The following HIVEP3 variants were observed in gnomAD, a reference collection of about 807,000 sequenced individuals.
HIVEP3 encodes transcription factor HIVEP3.
A neutral mutation model predicts 152.8 loss-of-function variants in HIVEP3; 49 were observed. That is an observed-to-expected ratio of 0.32 (90% confidence interval 0.26 to 0.41). HIVEP3 has a LOEUF of 0.41. Ranked by LOEUF, HIVEP3 falls within the 10% of genes least tolerant of loss-of-function variation. The pLI is 1.00. For synonymous variants in HIVEP3, 1,269 were observed against 1,289.0 expected (o/e 0.98, Z 0.33); for missense variants, 2,790 against 3,103.3 (o/e 0.90, Z 2.40).
chr1:41,593,484 A>G (rs11210487), intron 3 of HIVEP3, among the ~76,000 whole-genome samples: 10,738 of 152,266 alleles, frequency 0.071, 1,109 homozygotes, highest in East Asian at 0.48. Context: ...GCTACATAGA[A>G]TATCTTCTGC....
intron 1 of HIVEP3, among the ~76,000 whole-genome samples, chr1:41,895,952 G>A (rs564821782): frequency 1.4e-3 from 220 of 152,254 alleles, no homozygotes; most frequent in Non-Finnish European, 2.6e-3. Context: ...ATAATTCACC[G>A]CTAATCACGG....
At chr1:41,983,630 T>C (rs917960154) in intron 1 of HIVEP3, among the ~76,000 whole-genome samples, 3 of 152,030 alleles carry the variant, frequency 2.0e-5, no homozygotes, top group African/African-American at 7.2e-5. Flanking sequence ...GCCAAACCCC[T>C]GAAGCCACAA....
chr1:41,605,412 T>C (rs1644809443), intron 3 of HIVEP3, among the ~76,000 whole-genome samples: 2 of 150,626 alleles, frequency 1.3e-5, no homozygotes, highest in Admixed American at 6.6e-5. Context: ...CACACATACA[T>C]ATGTTAAAAA....
chr1:41,578,458 A>T (rs1644356530), intron 4 of HIVEP3, among the ~76,000 whole-genome samples: 1 of 152,232 alleles, frequency 6.6e-6, no homozygotes, highest in Non-Finnish European at 1.5e-5. Context: ...CATCCAGTCA[A>T]GCTAAGGACA....
intron 1 of HIVEP3, among the ~76,000 whole-genome samples, chr1:41,813,256 G>GC (rs979396568): frequency 2.0e-5 from 3 of 152,078 alleles, no homozygotes; most frequent in Non-Finnish European, 2.9e-5. Flanking sequence ...CAGTCATGCA[G>GC]CCCCCCATCA....
intron 1 of HIVEP3, among the ~76,000 whole-genome samples, chr1:41,779,047 C>G (rs1648881689): frequency 1.3e-5 from 2 of 152,224 alleles, no homozygotes; most frequent in Admixed American, 1.3e-4. Context: ...ATGCCAGCAG[C>G]TGGGCCCATC....
chr1:41,562,598 T>C (rs58352246), intron 5 of HIVEP3, among the ~76,000 whole-genome samples: 12,883 of 67,618 alleles, frequency 0.19, 621 homozygotes, highest in South Asian at 0.27. Context: ...TTCCTTCCTT[T>C]CTTTCTCTCT....
intron 5 of HIVEP3, among the ~76,000 whole-genome samples, chr1:41,530,026 ACACT>A (rs764377515): frequency 3.4e-4 from 48 of 142,184 alleles, no homozygotes; most frequent in South Asian, 1.8e-3. Context: ...CACTCAGACC[ACACT>A]CACGCTCATA....
In HIVEP3 at chr1:41,511,597, T is replaced by G. The variant is rs1569650991; in HGVS notation, c.6406-331A>C. On this transcript the variant is annotated intron_variant, in intron 8 of 8. Coordinates refer to ENST00000372583, the MANE Select transcript of HIVEP3 (RefSeq NM_024503.5). The surrounding 1 kb of genome is among the most constrained non-coding windows in gnomAD (Gnocchi z 4.9). ...TTGTCACCCATGAGCCTGGCCTCTA[T>G]GTGGGTCTGCTGCCTGTCCTGTTCC... is the stretch of plus-strand genomic sequence containing the variant. Among the ~76,000 whole-genome samples, 1 of 152,176 alleles carries G rather than the reference T, an allele frequency of 6.6e-6. No individual in the cohort carries two copies.
intron 1 of HIVEP3, among the ~76,000 whole-genome samples, chr1:41,877,194 C>A (rs1644183940): frequency 6.6e-6 from 1 of 152,200 alleles, no homozygotes; most frequent in South Asian, 2.1e-4. Flanking sequence ...CCAAACCCCT[C>A]CCCAGAAGAC....
Position 41,601,590 on chromosome 1 carries a change from G to T in HIVEP3, c.-521-16272C>A, listed in dbSNP as rs139046681. Among the ~76,000 whole-genome samples, 8 of 152,210 alleles carry T rather than the reference G, an allele frequency of 5.3e-5. No homozygotes were observed. In the East Asian group the frequency reaches 1.5e-3, roughly 29 times the overall value. ...AGAAATGCCACTGATTTTTGTAAAT[G>T]ATTTTGTATCCTGCAACTTTACTAA... On this transcript the variant is annotated intron_variant, in intron 3 of 8. Transcript: ENST00000372583.
At chr1:41,721,429 C>T (rs527547290) in intron 1 of HIVEP3, among the ~76,000 whole-genome samples, 1 of 152,278 alleles carries the variant, frequency 6.6e-6, no homozygotes, top group Admixed American at 6.5e-5. Flanking sequence ...TGGTCTCGAA[C>T]TCCTGACCTC....
chr1:41,964,616 G>A (rs1480481838), intron 1 of HIVEP3, among the ~76,000 whole-genome samples: 1 of 152,216 alleles, frequency 6.6e-6, no homozygotes, highest in African/African-American at 2.4e-5. Context: ...TTTGGACCGG[G>A]AGGAATTCCC....
At chr1:41,804,508 G>T (rs1306147267) in intron 1 of HIVEP3, among the ~76,000 whole-genome samples, 1 of 152,214 alleles carries the variant, frequency 6.6e-6, no homozygotes, top group Non-Finnish European at 1.5e-5. Flanking sequence ...ATGTACTATT[G>T]AGTGGCAGAA....
intron 1 of HIVEP3, among the ~76,000 whole-genome samples, chr1:41,904,911 C>T (rs952730619): frequency 5.9e-5 from 9 of 152,296 alleles, no homozygotes; most frequent in African/African-American, 1.9e-4. Flanking sequence ...CTTGCAGAAG[C>T]GGGATGAGCA....
chr1:41,637,967 A>C (rs1198183825), intron 2 of HIVEP3, among the ~76,000 whole-genome samples: 1 of 152,140 alleles, frequency 6.6e-6, no homozygotes, highest in Admixed American at 6.5e-5. Flanking sequence ...AAAATCAAAT[A>C]CTGCATATTC....
intron 1 of HIVEP3, among the ~76,000 whole-genome samples, chr1:41,739,109 C>T (rs1162983181): frequency 6.6e-6 from 1 of 152,230 alleles, no homozygotes; most frequent in Non-Finnish European, 1.5e-5. Context: ...AATCGATGCC[C>T]CCGACTTGCT....
chr1:42,000,106 A>G (rs1201456349), intron 1 of HIVEP3, among the ~76,000 whole-genome samples: 2 of 152,156 alleles, frequency 1.3e-5, no homozygotes, highest in Non-Finnish European at 2.9e-5. Context: ...TACTCAAATG[A>G]TCTGGTTGTG....
intron 6 of HIVEP3, among the ~76,000 whole-genome samples, chr1:41,519,853 A>G (rs1361453963): frequency 2.0e-5 from 3 of 152,186 alleles, no homozygotes; most frequent in Non-Finnish European, 2.9e-5. Context: ...AAATGGAAGG[A>G]TAGATGGAGA....
Sources: gnomAD v4.1 joint callset for allele counts (sites outside exome capture counted in the v4.1 genomes callset) on GRCh38, gnomAD v4.1.1 for gene constraint, Gnocchi (gnomAD v3.1) non-coding constraint, MANE v1.5 for transcripts, NCBI Gene and HGNC (gene_info 2026-07-23, HGNC 2026-07-21) for gene names.